The following LINGO2 variants were observed in gnomAD, a reference collection of about 807,000 sequenced individuals.
LINGO2 encodes leucine rich repeat and Ig domain containing 2.
In LINGO2, 14 loss-of-function variants were observed where a neutral mutation model predicts 30.6. The ratio of observed to expected loss-of-function variants is 0.46; its 90% confidence interval spans 0.30 to 0.72. LINGO2 has a LOEUF of 0.72. LINGO2 is among the 30% of genes least tolerant of loss of function. The pLI is 0.07. For missense variants in LINGO2, 729 were observed against 751.7 expected (o/e 0.97, Z 0.35); for synonymous variants, 317 against 288.5 (o/e 1.10, Z -1.00).
At chr9:28,357,072 T>C (rs917564011) in intron 3 of LINGO2, among the ~76,000 whole-genome samples, 1 of 152,106 alleles carries the variant, frequency 6.6e-6, no homozygotes, top group African/African-American at 2.4e-5. Context: ...ATAGAATATA[T>C]TAATATTATT....
the LINGO2 span, among the ~76,000 whole-genome samples, chr9:29,104,628 A>G: frequency 6.6e-6 from 1 of 152,168 alleles, no homozygotes; most frequent in African/African-American, 2.4e-5. Context: ...GAAATACCAA[A>G]GAAGTCTCCT....
the LINGO2 span, among the ~76,000 whole-genome samples, chr9:28,793,360 T>G: frequency 6.6e-6 from 1 of 152,204 alleles, no homozygotes; most frequent in Non-Finnish European, 1.5e-5. Context: ...ATCTTATCCT[T>G]TAGTAGAATT....
At chr9:29,120,388 G>T in the LINGO2 span, among the ~76,000 whole-genome samples, 7 of 144,682 alleles carry the variant, frequency 4.8e-5, no homozygotes, top group East Asian at 5.8e-4. Flanking sequence ...AACCAAAAAC[G>T]GGTCTAAGAA....
the LINGO2 span, among the ~76,000 whole-genome samples, chr9:28,971,747 C>T: frequency 6.6e-6 from 1 of 152,224 alleles, no homozygotes; most frequent in Non-Finnish European, 1.5e-5. Flanking sequence ...AGGACATAGG[C>T]CTGGCCACCT....
the LINGO2 span, among the ~76,000 whole-genome samples, chr9:28,987,072 G>GTTTTTT: frequency 8.4e-6 from 1 of 119,166 alleles, no homozygotes; most frequent in African/African-American, 3.2e-5. Context: ...GTTCTAACAG[G>GTTTTTT]TTTTTTTTTT....
At chr9:28,025,450 T>A (rs1338096122) in intron 4 of LINGO2, among the ~76,000 whole-genome samples, 1 of 152,190 alleles carries the variant, frequency 6.6e-6, no homozygotes, top group Non-Finnish European at 1.5e-5. Flanking sequence ...GTGGACACTC[T>A]TTTCTCAGCT....
intron 4 of LINGO2, among the ~76,000 whole-genome samples, chr9:28,230,852 T>A (rs1821330322): frequency 6.6e-6 from 1 of 151,962 alleles, no homozygotes; most frequent in African/African-American, 2.4e-5. Context: ...CTTAAATATG[T>A]TTTATAAATG....
At chr9:28,992,926 T>A in the LINGO2 span, among the ~76,000 whole-genome samples, 3 of 151,066 alleles carry the variant, frequency 2.0e-5, no homozygotes, top group Admixed American at 2.0e-4. Context: ...AGATCCAAAA[T>A]TGACACCCTT....
At chr9:28,186,598 C>A (rs925717114) in intron 4 of LINGO2, among the ~76,000 whole-genome samples, 1 of 151,620 alleles carries the variant, frequency 6.6e-6, no homozygotes, top group African/African-American at 2.4e-5. Flanking sequence ...AGAGAGGGGA[C>A]GTGTGGAGTT....
chr9:28,012,758 C>T (rs1305487477), intron 4 of LINGO2, among the ~76,000 whole-genome samples: 1 of 152,156 alleles, frequency 6.6e-6, no homozygotes, highest in African/African-American at 2.4e-5. Context: ...CCTCCCTGGG[C>T]AACTCCCACT....
the LINGO2 span, among the ~76,000 whole-genome samples, chr9:28,785,651 G>A: frequency 2.1e-4 from 27 of 128,208 alleles, no homozygotes; most frequent in Non-Finnish European, 4.4e-4. Flanking sequence ...CGCCACCCAG[G>A]GCCCTTCTCT....
intron 3 of LINGO2, among the ~76,000 whole-genome samples, chr9:28,320,659 A>G (rs1327967861): frequency 6.6e-6 from 1 of 152,184 alleles, no homozygotes; most frequent in African/African-American, 2.4e-5. Context: ...AGTACTATAT[A>G]GTACAGTTTA....
At chr9:28,168,101 C>G (rs7039125) in intron 4 of LINGO2, among the ~76,000 whole-genome samples, 6,603 of 152,208 alleles carry the variant, frequency 0.043, 472 homozygotes, top group African/African-American at 0.15. Context: ...GGAGGAAACT[C>G]CCCTTCTTGT....
chr9:28,873,446 G>T, the LINGO2 span, among the ~76,000 whole-genome samples: 1 of 150,906 alleles, frequency 6.6e-6, no homozygotes, highest in Non-Finnish European at 1.5e-5. Context: ...CCAAGCCACT[G>T]TTCAAGAAAG....
chr9:28,480,525 T>C (rs1206791022), intron 1 of LINGO2, among the ~76,000 whole-genome samples: 1 of 152,024 alleles, frequency 6.6e-6, no homozygotes, highest in Non-Finnish European at 1.5e-5. Flanking sequence ...AAATAAATTG[T>C]AGATTGAAGT....
At chr9:28,208,656 C>G (rs1040027341) in intron 4 of LINGO2, among the ~76,000 whole-genome samples, 25 of 151,998 alleles carry the variant, frequency 1.6e-4, no homozygotes, top group Non-Finnish European at 1.6e-4. Flanking sequence ...CTTGCTATCA[C>G]TATGTTGGCT....
chr9:28,877,083 C>T, the LINGO2 span, among the ~76,000 whole-genome samples: 1 of 148,130 alleles, frequency 6.8e-6, no homozygotes, highest in East Asian at 1.9e-4. Context: ...CCTTCACCCA[C>T]TTTTTGATGG....
chr9:28,388,247 T>G (rs1821679442), intron 2 of LINGO2, among the ~76,000 whole-genome samples: 1 of 152,212 alleles, frequency 6.6e-6, no homozygotes, highest in South Asian at 2.1e-4. Context: ...TGTTGTTTGT[T>G]AATTCTCATT....
the LINGO2 span, among the ~76,000 whole-genome samples, chr9:29,050,317 C>T: frequency 6.6e-6 from 1 of 152,076 alleles, no homozygotes; most frequent in South Asian, 2.1e-4. Context: ...AGCCACCACG[C>T]CCAGCCTTAT....
Sources: gnomAD v4.1 joint callset for allele counts (sites outside exome capture counted in the v4.1 genomes callset) on GRCh38, gnomAD v4.1.1 for gene constraint, MANE v1.5 for transcripts, NCBI Gene and HGNC (gene_info 2026-07-23, HGNC 2026-07-21) for gene names.